RUBCNL: variants seen among roughly 807,000 people sequenced by gnomAD.
RUBCNL encodes the protein rubicon like autophagy enhancer.
RUBCNL carries 62 observed loss-of-function variants against 69.5 expected under a neutral mutation model. The observed-to-expected ratio is 0.89, with a 90% confidence interval of 0.73 to 1.10. The LOEUF (loss-of-function observed/expected upper bound fraction) is 1.10. Among genes scored for constraint, RUBCNL ranks in the 50% least tolerant of loss-of-function variants. The probability of loss-of-function intolerance (pLI) is 0.00; values close to 1 mark genes in which losing one functional copy is unlikely to be tolerated. For synonymous variants in RUBCNL, 291 were observed against 303.6 expected (o/e 0.96, Z 0.43); for missense variants, 768 against 798.1 (o/e 0.96, Z 0.45).
Position 46,368,743 on chromosome 13 carries a change from T to C in RUBCNL, c.608A>G (p.Asp203Gly). 2 of 1,613,334 alleles carry C rather than the reference T, an allele frequency of 1.2e-6. No individual in the cohort carries two copies. Among genetic ancestry groups the C allele is most frequent in the Non-Finnish European group, 1.7e-6 (2 of 1,179,462 alleles). Residue 203 changes from aspartate to glycine, a missense_variant, in exon 4 of 15, where the codon GAT becomes GGT. Coordinates refer to ENST00000429979, the MANE Select transcript of RUBCNL (RefSeq NM_025113.5). ...FSPEVFVLPV[D>G]VEKENAHFYV... ...GAAGATAGCATTCACCTTTTCTACA[T>C]CAACAGGCAGCACAAATACCTCTGG...
At chr13:46,377,859 G>A (rs776596767) in intron 2 of RUBCNL, 31 bp downstream of exon 2, 2 of 1,322,976 alleles carry the variant, frequency 1.5e-6, no homozygotes, top group African/African-American at 2.9e-5. Context: ...CAGTGGCAGA[G>A]AGAAGACAAA....
At chr13:46,362,840 G>A (rs933388262) in intron 6 of RUBCNL, among the ~76,000 whole-genome samples, 1 of 147,192 alleles carries the variant, frequency 6.8e-6, no homozygotes, top group Non-Finnish European at 1.5e-5. Context: ...AGAGATATCC[G>A]ACCATAATGA....
Position 46,341,288 on chromosome 13 carries a change from T to C in RUBCNL, c.*2097A>G, listed in dbSNP as rs1223653713. 1.3e-5 allele frequency among the ~76,000 whole-genome samples: 2 copies of C among 151,896 alleles called. No individual in the cohort carries two copies. The highest frequency in any genetic ancestry group is 1.3e-4 in the Admixed American group (2 of 15,242). ...CTTCTTTCCGGCAGCCAAGGAAGAG[T>C]TGAACAGAAAACCCACACAATCAGG... On this transcript the variant is annotated 3_prime_UTR_variant, in exon 15 of 15. Coordinates refer to ENST00000429979, the MANE Select transcript of RUBCNL (RefSeq NM_025113.5).
intron 5 of RUBCNL, among the ~76,000 whole-genome samples, chr13:46,366,737 G>A (rs2048765298): frequency 6.6e-6 from 1 of 152,146 alleles, no homozygotes; most frequent in South Asian, 2.1e-4. Context: ...GAAAGAAGGG[G>A]ATTGTGAGAG....
intron 10 of RUBCNL, among the ~76,000 whole-genome samples, chr13:46,356,066 A>G (rs1306742603): frequency 6.6e-6 from 1 of 152,182 alleles, no homozygotes; most frequent in Non-Finnish European, 1.5e-5. Context: ...TGAAAATGTG[A>G]AAGAAGCAAA....
upstream of RUBCNL, chr13:46,389,943 T>C (rs996106538): frequency 6.6e-6 from 1 of 152,246 alleles, no homozygotes; most frequent in Admixed American, 6.5e-5. The surrounding 1 kb of genome is among the most constrained non-coding windows in gnomAD (Gnocchi z 4.2). Context: ...GAGGCTGGTT[T>C]GGGTTTTTTC....
chr13:46,376,486 A>G (rs1179295299), intron 2 of RUBCNL, among the ~76,000 whole-genome samples: 1 of 152,144 alleles, frequency 6.6e-6, no homozygotes, highest in African/African-American at 2.4e-5. Flanking sequence ...AACCGCCAGA[A>G]CTCACCAGCC....
chr13:46,385,826 G>A (rs538299408), intron 1 of RUBCNL, among the ~76,000 whole-genome samples: 3 of 152,064 alleles, frequency 2.0e-5, no homozygotes, highest in Non-Finnish European at 4.4e-5. Context: ...CCCTCACCCC[G>A]CTCCAAGGCT....
chr13:46,353,567 C>T (rs953092499), intron 10 of RUBCNL, among the ~76,000 whole-genome samples: 15 of 152,196 alleles, frequency 9.9e-5, no homozygotes, highest in African/African-American at 3.1e-4. Flanking sequence ...AAATGTCTGG[C>T]GCCATTTTCA....
intron 10 of RUBCNL, among the ~76,000 whole-genome samples, chr13:46,353,445 C>A (rs112548079): frequency 2.0e-5 from 3 of 152,318 alleles, no homozygotes; most frequent in Admixed American, 2.0e-4. Flanking sequence ...ACAGAATACA[C>A]TAATGTCCAT....
intron 5 of RUBCNL, among the ~76,000 whole-genome samples, chr13:46,364,675 T>C (rs1313851073): frequency 6.7e-6 from 1 of 148,996 alleles, no homozygotes; most frequent in East Asian, 2.0e-4. Context: ...CTCAGTGAGA[T>C]GCACTCTGCT....
At chr13:46,351,744 T>C (rs1004099229) in intron 10 of RUBCNL, among the ~76,000 whole-genome samples, 3 of 151,946 alleles carry the variant, frequency 2.0e-5, no homozygotes, top group Non-Finnish European at 4.4e-5. Context: ...CATAAACATA[T>C]ATTCACTGTC....
intron 12 of RUBCNL, among the ~76,000 whole-genome samples, 173 bp from the exon 13 acceptor site, chr13:46,345,773 T>C (rs2048234359): frequency 6.6e-6 from 1 of 152,204 alleles, no homozygotes; most frequent in African/African-American, 2.4e-5. Context: ...TTCTACATGT[T>C]GCAAGTTTGC....
chr13:46,356,115 G>C (rs1259058247), intron 10 of RUBCNL, among the ~76,000 whole-genome samples: 1 of 152,120 alleles, frequency 6.6e-6, no homozygotes, highest in African/African-American at 2.4e-5. Flanking sequence ...AGAGCATTTG[G>C]GGGAGAGAAA....
intron 3 of RUBCNL, among the ~76,000 whole-genome samples, chr13:46,370,402 C>T (rs1239470888): frequency 6.6e-6 from 1 of 152,220 alleles, no homozygotes; most frequent in Non-Finnish European, 1.5e-5. Context: ...ATCTGAGATG[C>T]AGCGGTCATA....
At chr13:46,377,453 G>A (rs1051761071) in intron 2 of RUBCNL, among the ~76,000 whole-genome samples, 1 of 152,092 alleles carries the variant, frequency 6.6e-6, no homozygotes, top group African/African-American at 2.4e-5. Context: ...TAGTAGAGAT[G>A]GGGTTTCACC....
At chr13:46,376,116 C>T (rs2048988203) in intron 2 of RUBCNL, among the ~76,000 whole-genome samples, 1 of 152,064 alleles carries the variant, frequency 6.6e-6, no homozygotes, top group Non-Finnish European at 1.5e-5. Flanking sequence ...ATGTGTTAAT[C>T]AACTGTTTAT....
At chr13:46,352,953 G>T (rs1049903420) in intron 10 of RUBCNL, among the ~76,000 whole-genome samples, 1 of 152,174 alleles carries the variant, frequency 6.6e-6, no homozygotes, top group African/African-American at 2.4e-5. Flanking sequence ...TGTGAGAGAG[G>T]GACAGTTATT....
intron 13 of RUBCNL, among the ~76,000 whole-genome samples, chr13:46,345,071 C>T (rs778885925): frequency 6.6e-6 from 1 of 152,218 alleles, no homozygotes; most frequent in East Asian, 1.9e-4. Flanking sequence ...TAATTGTAAA[C>T]ATGCACTCTG....
Sources: gnomAD v4.1 joint callset for allele counts (sites outside exome capture counted in the v4.1 genomes callset) on GRCh38, gnomAD v4.1.1 for gene constraint, Gnocchi (gnomAD v3.1) non-coding constraint, MANE v1.5 for transcripts, NCBI Gene and HGNC (gene_info 2026-07-23, HGNC 2026-07-21) for gene names.